FCRL4: variants seen among roughly 807,000 people sequenced by gnomAD.
The protein encoded by FCRL4 is Fc receptor like 4, also known as Fc receptor-like protein 4.
In FCRL4, 43 loss-of-function variants were observed where a neutral mutation model predicts 64.1. That is an observed-to-expected ratio of 0.67 (90% CI 0.53 to 0.87). The LOEUF is 0.87. FCRL4 is among the 40% of genes least tolerant of loss of function. The pLI is 0.00. For missense variants in FCRL4, 656 were observed against 613.5 expected, an observed-to-expected ratio of 1.07 and a Z score of -0.73; for synonymous variants, 253 against 239.8, an observed-to-expected ratio of 1.05 and a Z score of -0.51.
In FCRL4 at chr1:157,587,478, C is replaced by G. The variant is rs1438684483; in HGVS notation, c.645G>C (p.Gln215His). The G allele has an allele frequency of 6.2e-7, 1 of 1,614,074 alleles. No individual in the cohort carries two copies. Among genetic ancestry groups the G allele is most frequent in the East Asian group, 2.2e-5 (1 of 44,902 alleles). ...GNSVNLSCET[Q>H]LPPERSDTPL... ...GGGTGTCTGACCGCTCTGGAGGAAG[C>G]TGTGTTTCACAGCTCAGGTTTACAG... is the stretch of plus-strand genomic sequence containing the variant. The change falls in exon 5 of 12, where the codon CAG becomes CAC. Residue 215 changes from glutamine to histidine, a missense_variant. By Grantham distance (24) the Gln-to-His change is conservative. Transcript: ENST00000271532.
chr1:157,590,740 A>G (rs556440383), intron 2 of FCRL4, among the ~76,000 whole-genome samples: 3 of 152,172 alleles, frequency 2.0e-5, no homozygotes, highest in Admixed American at 6.5e-5. Context: ...GATGGTCTCT[A>G]TCTCCTGACC....
At chr1:157,585,344 CT>C (rs1652654510) in intron 6 of FCRL4, among the ~76,000 whole-genome samples, 14 of 81,318 alleles carry the variant, frequency 1.7e-4, no homozygotes, top group South Asian at 5.4e-4. Flanking sequence ...CTTTCTCTCT[CT>C]CTTTCTTTCT....
Position 157,578,990 on chromosome 1 carries a change from G to C in FCRL4, c.1278-138C>G. ...AGTAGGGAACTGGAAAGCCTGAATG[G>C]TTTAATCAGAGTTTCAATAGGTCTA... is the stretch of plus-strand genomic sequence containing the variant. On this transcript the variant is annotated intron_variant, in intron 8 of 11. Coordinates refer to ENST00000271532, the MANE Select transcript of FCRL4 (RefSeq NM_031282.3). 4.5e-6 allele frequency: 3 copies of C among 667,066 alleles called. No individual in the cohort carries two copies. The South Asian group carries it at 5.8e-5, about 13-fold the overall frequency. 41.3% of individuals were successfully genotyped at this position (667,066 alleles called of 1,614,324 possible).
At chr1:157,581,811 G>A (rs934661144) in intron 6 of FCRL4, among the ~76,000 whole-genome samples, 167 bp from the exon 7 acceptor site, 8 of 152,306 alleles carry the variant, frequency 5.3e-5, no homozygotes, top group African/African-American at 1.4e-4. Flanking sequence ...CTCACATTGG[G>A]TGGGCCAGGG....
chr1:157,592,402 A>T (rs1411259276), intron 2 of FCRL4, among the ~76,000 whole-genome samples: 2 of 152,140 alleles, frequency 1.3e-5, no homozygotes, highest in Non-Finnish European at 2.9e-5. Flanking sequence ...CAAGAAAAAA[A>T]AACCCATCAA....
intron 2 of FCRL4, among the ~76,000 whole-genome samples, chr1:157,591,148 CT>C (rs938195565): frequency 1.3e-5 from 2 of 152,106 alleles, no homozygotes; most frequent in African/African-American, 4.8e-5. Context: ...ATGAATGCGC[CT>C]GAAGGATAGA....
chr1:157,574,216 T>C lies in FCRL4; in HGVS notation c.*1308A>G, dbSNP rs1469161054. 9.0e-6 allele frequency: 2 copies of C among 222,088 alleles called. No homozygotes were observed. The highest frequency in any genetic ancestry group is 1.8e-5 in the Non-Finnish European group (2 of 111,202). The allele number at this position is 222,088 out of a possible 1,614,324, so 13.8% of individuals were successfully genotyped here. The stretch of plus-strand genomic sequence containing the variant: ...CTCTCTTCTTTTTATTTCATTTTTT[T>C]CCCATTTATTTGTTATAGAAGCCAG... On this transcript the variant is annotated 3_prime_UTR_variant, in exon 12 of 12. Transcript: ENST00000271532.
chr1:157,593,679 T>C (rs192544449), intron 2 of FCRL4, among the ~76,000 whole-genome samples: 5 of 152,334 alleles, frequency 3.3e-5, no homozygotes, highest in African/African-American at 1.2e-4. Context: ...TGTTCAATAA[T>C]ACCTACTTTC....
At position 157,597,166 on chromosome 1, in the gene FCRL4, C is replaced by T. The variant is rs115469950; in HGVS notation, c.31+748G>A. The stretch of plus-strand genomic sequence containing the variant: ...ATCTGTGTCCTTCAGGTCTCTGCAT[C>T]CTCTGTGGTGCCCAGCAGTGTGGCA... On this transcript the variant is annotated intron_variant, in intron 1 of 11. Coordinates refer to ENST00000271532, the MANE Select transcript of FCRL4 (RefSeq NM_031282.3). 8.6e-3 allele frequency among the ~76,000 whole-genome samples: 1,304 copies of T among 152,294 alleles called. 9 individuals carry two copies. Among genetic ancestry groups the T allele is most frequent in the Non-Finnish European group, 0.015 (1,020 of 68,028 alleles).
intron 6 of FCRL4, among the ~76,000 whole-genome samples, chr1:157,585,000 G>T (rs958303638): frequency 6.6e-6 from 1 of 152,166 alleles, no homozygotes. Flanking sequence ...GGGATCAATT[G>T]TATCAAAAGC....
Position 157,574,209 on chromosome 1 carries a change from A to AT in FCRL4, c.*1314dup, listed in dbSNP as rs545966392. On this transcript the variant is annotated 3_prime_UTR_variant, in exon 12 of 12. Transcript: ENST00000271532. ...TTCCTCCCTCTCTTCTTTTTATTTC[A>AT]TTTTTTTCCCATTTATTTGTTATAG... 2.2e-4 allele frequency: 48 copies of AT among 216,732 alleles called. No individual in the cohort carries two copies. In the South Asian group the frequency reaches 4.4e-3, roughly 20 times the overall value. The allele number at this position is 216,732 out of a possible 1,614,324, so 13.4% of individuals were successfully genotyped here.
At chr1:157,589,054 T>A (rs1040155469) in intron 3 of FCRL4, 150 bp downstream of exon 3, 1 of 850,186 alleles carries the variant, frequency 1.2e-6, no homozygotes, top group Non-Finnish European at 1.8e-6. Flanking sequence ...TTGAAAAACA[T>A]TTGTAGACAT....
Position 157,589,336 on chromosome 1 carries a change from GA to G in FCRL4, c.174del (p.His59IlefsTer9). ...AACTTTTCTCCCCAGTAGTGCCGAT[GA>G]TACCATGTTGTTTTCTCTGTTGCAT... ...QFYATEKTTW[Y>X]HRHYWGEKLT... On this transcript the variant is annotated frameshift_variant, in exon 3 of 12. Transcript: ENST00000271532. LOFTEE classifies it high-confidence loss of function. 6.2e-7 allele frequency: 1 copy of G among 1,614,202 alleles called. No homozygotes were observed. The highest frequency in any genetic ancestry group is 8.5e-7 in the Non-Finnish European group (1 of 1,180,044).
chr1:157,585,558 G>C (rs758456858), intron 6 of FCRL4, among the ~76,000 whole-genome samples: 19 of 152,026 alleles, frequency 1.2e-4, no homozygotes, highest in Non-Finnish European at 2.6e-4. Context: ...AGCGATGGAG[G>C]AAGAGATGTA....
At chr1:157,596,822 G>A (rs942212931) in intron 1 of FCRL4, among the ~76,000 whole-genome samples, 2 of 152,280 alleles carry the variant, frequency 1.3e-5, no homozygotes, top group South Asian at 4.1e-4. Flanking sequence ...GTTAGATTAT[G>A]GGTTCGAATC....
At chr1:157,586,942 T>C (rs1164379665) in intron 5 of FCRL4, among the ~76,000 whole-genome samples, 2 of 152,234 alleles carry the variant, frequency 1.3e-5, no homozygotes, top group African/African-American at 4.8e-5. Flanking sequence ...TTCTAAATAG[T>C]TATCCTTAAG....
chr1:157,591,139 T>C (rs1212151052), intron 2 of FCRL4, among the ~76,000 whole-genome samples: 6 of 152,286 alleles, frequency 3.9e-5, no homozygotes, highest in African/African-American at 9.6e-5. Context: ...ATTTGGAAGA[T>C]GAATGCGCCT....
At chr1:157,575,833 C>T (rs1464467356) in intron 10 of FCRL4, 103 bp from the exon 11 acceptor site, 6 of 1,009,284 alleles carry the variant, frequency 5.9e-6, no homozygotes, top group African/African-American at 1.6e-5. Context: ...GGGCCCTGTC[C>T]ACCTCATCCC....
chr1:157,574,209 A>ATT lies in FCRL4; in HGVS notation c.*1313_*1314dup, dbSNP rs545966392. On this transcript the variant is annotated 3_prime_UTR_variant, in exon 12 of 12. Coordinates refer to ENST00000271532, the MANE Select transcript of FCRL4 (RefSeq NM_031282.3). ...TTCCTCCCTCTCTTCTTTTTATTTCATTTTTTTCCCATTTATTTGTTATAG... is the reference window on the plus strand; with the variant it reads ...TTCCTCCCTCTCTTCTTTTTATTTCATTTTTTTTTCCCATTTATTTGTTATAG... 3.3e-4 allele frequency: 72 copies of ATT among 216,734 alleles called. 1 individual carries two copies. The South Asian group carries it at 5.0e-3, about 15-fold the overall frequency. The allele number at this position is 216,734 out of a possible 1,614,324, so 13.4% of individuals were successfully genotyped here. A position where few individuals can be genotyped will look rare whatever the true frequency, so the allele number is the denominator to read the frequency against.
Sources: gnomAD v4.1 joint callset for allele counts (sites outside exome capture counted in the v4.1 genomes callset) on GRCh38, gnomAD v4.1.1 for gene constraint, MANE v1.5 for transcripts, NCBI Gene and HGNC (gene_info 2026-07-23, HGNC 2026-07-21) for gene names.